Variants in NEGR1 observed in about 807,000 individuals in gnomAD.
NEGR1 encodes the protein IgLON family member 4.
In NEGR1, 10 loss-of-function variants were observed where a neutral mutation model predicts 40.9. The observed-to-expected ratio is 0.24, with a 90% confidence interval of 0.15 to 0.42. NEGR1 has a LOEUF of 0.42. Among genes scored for constraint, NEGR1 ranks in the 10% least tolerant of loss-of-function variants. The pLI is 1.00. For synonymous variants in NEGR1, 185 were observed against 166.8 expected (o/e 1.11, Z -0.84); for missense variants, 352 against 438.9 (o/e 0.80, Z 1.77).
chr1:71,632,232 T>C (rs1459084149), intron 4 of NEGR1, among the ~76,000 whole-genome samples: 1 of 151,654 alleles, frequency 6.6e-6, no homozygotes, highest in Non-Finnish European at 1.5e-5. Flanking sequence ...TGTGTATACA[T>C]ATGCAATTAT....
chr1:72,020,230 C>G (rs914256836), intron 1 of NEGR1, among the ~76,000 whole-genome samples: 1 of 152,120 alleles, frequency 6.6e-6, no homozygotes, highest in African/African-American at 2.4e-5. Context: ...GCCAATATTA[C>G]AAGAATGCCT....
chr1:72,076,112 C>A (rs1034831885), intron 1 of NEGR1, among the ~76,000 whole-genome samples: 2 of 152,092 alleles, frequency 1.3e-5, no homozygotes, highest in African/African-American at 4.8e-5. Context: ...AATAGAGAAG[C>A]ATTTGTTACA....
chr1:71,980,204 T>A (rs1036340054), intron 1 of NEGR1, among the ~76,000 whole-genome samples: 1 of 152,150 alleles, frequency 6.6e-6, no homozygotes, highest in Non-Finnish European at 1.5e-5. Flanking sequence ...AAGCCTGTAT[T>A]AATCTTTGAC....
intron 3 of NEGR1, among the ~76,000 whole-genome samples, chr1:71,764,641 T>G (rs779495038): frequency 6.6e-6 from 1 of 152,094 alleles, no homozygotes; most frequent in Non-Finnish European, 1.5e-5. Context: ...GCAAAGGAGA[T>G]GAGAGCATTG....
intron 1 of NEGR1, among the ~76,000 whole-genome samples, chr1:72,262,619 CATT>C (rs914215354): frequency 8.6e-5 from 13 of 151,956 alleles, no homozygotes; most frequent in South Asian, 4.1e-4. Flanking sequence ...ATGAATAAAT[CATT>C]ATTATCTCCT....
intron 5 of NEGR1, among the ~76,000 whole-genome samples, chr1:71,594,106 T>C (rs955456997): frequency 6.6e-6 from 1 of 152,202 alleles, no homozygotes; most frequent in Admixed American, 6.5e-5. Flanking sequence ...TCCCCCAACA[T>C]AGGCATTAGT....
chr1:71,620,343 T>C (rs1179290931), intron 4 of NEGR1, among the ~76,000 whole-genome samples: 2 of 152,044 alleles, frequency 1.3e-5, no homozygotes, highest in African/African-American at 4.8e-5. Flanking sequence ...AGGATTTACA[T>C]ACTACATTAA....
chr1:72,269,304 C>T (rs1655762749), intron 1 of NEGR1, among the ~76,000 whole-genome samples: 1 of 151,664 alleles, frequency 6.6e-6, no homozygotes, highest in African/African-American at 2.4e-5. Flanking sequence ...AAATTATTGG[C>T]TGCCTAACCC....
At chr1:71,812,991 T>C (rs1190682451) in intron 2 of NEGR1, among the ~76,000 whole-genome samples, 1 of 152,122 alleles carries the variant, frequency 6.6e-6, no homozygotes, top group Non-Finnish European at 1.5e-5. Flanking sequence ...GATGTTTTCA[T>C]AATGAAATTT....
In NEGR1 at chr1:71,396,856, G is replaced by A. The variant is rs184915377; in HGVS notation, c.*10590C>T. 5 of 154,908 alleles carry A rather than the reference G, an allele frequency of 3.2e-5. No individual in the cohort carries two copies. Among genetic ancestry groups the A allele is most frequent in the African/African-American group, 9.6e-5 (4 of 41,470 alleles). 9.6% of individuals were successfully genotyped at this position (154,908 alleles called of 1,614,324 possible). On this transcript the variant is annotated 3_prime_UTR_variant, in exon 7 of 7. Coordinates refer to ENST00000357731, the MANE Select transcript of NEGR1 (RefSeq NM_173808.3). ...TTCTTTTGTAAATTGCCCAGCCTCAGGTATGTCTTTATCAGCAGTGTGAAA... is the reference window on the plus strand; with the variant it reads ...TTCTTTTGTAAATTGCCCAGCCTCAAGTATGTCTTTATCAGCAGTGTGAAA...
chr1:72,274,856 A>G (rs566552069), intron 1 of NEGR1: 416 of 1,587,250 alleles, frequency 2.6e-4, no homozygotes, highest in Non-Finnish European at 3.4e-4. Flanking sequence ...CCCATCAAGA[A>G]CACCAATGAT....
At chr1:71,722,691 G>T (rs1016492527) in intron 3 of NEGR1, among the ~76,000 whole-genome samples, 4 of 151,934 alleles carry the variant, frequency 2.6e-5, no homozygotes, top group Admixed American at 2.0e-4. Context: ...CTATTGTGTT[G>T]TGTGGGTCAG....
At chr1:72,274,846 C>T in intron 1 of NEGR1, 3 of 1,568,760 alleles carry the variant, frequency 1.9e-6, no homozygotes, top group Non-Finnish European at 2.6e-6. Flanking sequence ...CCTCAGCCAC[C>T]CCATCAAGAA....
chr1:71,919,627 C>T (rs1174020150), intron 2 of NEGR1, among the ~76,000 whole-genome samples: 27 of 151,366 alleles, frequency 1.8e-4, no homozygotes, highest in Admixed American at 1.6e-3. Context: ...TTAGTGAATC[C>T]TTTAATTTAA....
At chr1:71,638,286 G>C (rs1266284333) in intron 4 of NEGR1, among the ~76,000 whole-genome samples, 1 of 152,026 alleles carries the variant, frequency 6.6e-6, no homozygotes, top group Non-Finnish European at 1.5e-5. Context: ...TGAATCACTT[G>C]AGACCTATTC....
chr1:72,199,423 G>T (rs962208022), intron 1 of NEGR1, among the ~76,000 whole-genome samples: 1 of 151,954 alleles, frequency 6.6e-6, no homozygotes, highest in African/African-American at 2.4e-5. Flanking sequence ...CCTTAAAAGA[G>T]CACAAAGCTA....
chr1:71,922,186 G>C (rs141836780), intron 2 of NEGR1, among the ~76,000 whole-genome samples: 1 of 152,288 alleles, frequency 6.6e-6, no homozygotes. Context: ...GCTGAACCTG[G>C]AGCCAAGGAA....
intron 2 of NEGR1, among the ~76,000 whole-genome samples, chr1:71,835,023 G>A (rs931597336): frequency 3.3e-5 from 5 of 151,978 alleles, no homozygotes; most frequent in Non-Finnish European, 5.9e-5. Context: ...AGGCTGGACT[G>A]ATTACAGCTA....
intron 1 of NEGR1, among the ~76,000 whole-genome samples, chr1:72,225,796 CAAATT>C (rs1654172815): frequency 1.3e-5 from 2 of 151,484 alleles, no homozygotes; most frequent in Admixed American, 1.3e-4. Flanking sequence ...AAAGAGAAAT[CAAATT>C]AAACTACTTT....
Sources: allele counts gnomAD v4.1 joint callset (sites outside exome capture counted in the v4.1 genomes callset), GRCh38; gene constraint gnomAD v4.1.1; transcripts MANE v1.5; gene names NCBI Gene and HGNC (gene_info 2026-07-23, HGNC 2026-07-21).